The following DLGAP1 variants were observed in gnomAD, a reference collection of about 807,000 sequenced individuals.
DLGAP1 encodes the protein DLG associated protein 1, also known as disks large-associated protein 1.
A neutral mutation model predicts 90.8 loss-of-function variants in DLGAP1; 11 were observed. That is an observed-to-expected ratio of 0.12 (90% CI 0.08 to 0.20). DLGAP1 has a LOEUF of 0.20. DLGAP1 is among the 10% of genes least tolerant of loss of function. The probability of loss-of-function intolerance (pLI) is 1.00; values close to 1 mark genes in which losing one functional copy is unlikely to be tolerated. For missense variants in DLGAP1, 1,050 were observed against 1,333.8 expected, an observed-to-expected ratio of 0.79 and a Z score of 3.31; for synonymous variants, 558 against 540.7, an observed-to-expected ratio of 1.03 and a Z score of -0.44.
intron 3 of DLGAP1, among the ~76,000 whole-genome samples, chr18:3,884,687 A>G (rs116078423): frequency 6.4e-4 from 97 of 152,330 alleles, no homozygotes; most frequent in African/African-American, 2.2e-3. Flanking sequence ...TTAATCATAC[A>G]CAGTGTGTTT....
chr18:4,089,645 C>G (rs533368070), intron 2 of DLGAP1, among the ~76,000 whole-genome samples: 30 of 152,254 alleles, frequency 2.0e-4, no homozygotes, highest in African/African-American at 6.7e-4. Context: ...CATTTACAAA[C>G]GTCTGATCTT....
At chr18:4,410,911 G>A (rs929079477) in intron 1 of DLGAP1, among the ~76,000 whole-genome samples, 8 of 152,168 alleles carry the variant, frequency 5.3e-5, no homozygotes, top group African/African-American at 1.9e-4. Context: ...CCCAGCTCCA[G>A]GAGTTTTGCC....
chr18:3,853,924 GCTTT>G (rs2069481659), intron 4 of DLGAP1, among the ~76,000 whole-genome samples: 1 of 151,944 alleles, frequency 6.6e-6, no homozygotes, highest in Admixed American at 6.6e-5. Context: ...TTTATATTGT[GCTTT>G]CTTTTTTTCC....
At chr18:3,739,200 T>C (rs1309878280) in intron 6 of DLGAP1, among the ~76,000 whole-genome samples, 4 of 147,382 alleles carry the variant, frequency 2.7e-5, no homozygotes, top group South Asian at 2.2e-4. Flanking sequence ...AGTTCAACCA[T>C]TGTGGAAGTC....
chr18:4,287,666 C>G (rs889161663), intron 1 of DLGAP1, among the ~76,000 whole-genome samples: 2 of 151,948 alleles, frequency 1.3e-5, no homozygotes, highest in African/African-American at 4.8e-5. Context: ...GGGAAGATCA[C>G]ATACCAGGGC....
chr18:3,734,106 A>C (rs965291293), intron 6 of DLGAP1, among the ~76,000 whole-genome samples: 1 of 152,208 alleles, frequency 6.6e-6, no homozygotes. Context: ...AGAGTTTAAA[A>C]AAATCATTGT....
intron 3 of DLGAP1, chr18:3,995,523 T>C (rs1471063240): frequency 6.6e-6 from 1 of 152,168 alleles, no homozygotes; most frequent in Non-Finnish European, 1.5e-5. Context: ...AAGCGTCTCT[T>C]CCAAGACCTT....
intron 1 of DLGAP1, among the ~76,000 whole-genome samples, chr18:4,188,039 T>C (rs1215738821): frequency 6.6e-6 from 1 of 151,982 alleles, no homozygotes; most frequent in Non-Finnish European, 1.5e-5. Flanking sequence ...AAATTGTCAA[T>C]TTAATTTTAT....
At chr18:4,160,027 T>A (rs1225945537) in intron 1 of DLGAP1, among the ~76,000 whole-genome samples, 1 of 152,252 alleles carries the variant, frequency 6.6e-6, no homozygotes, top group African/African-American at 2.4e-5. Flanking sequence ...AAGTGCGTAA[T>A]GACTCATTGT....
chr18:4,133,808 G>A (rs1052302238), intron 2 of DLGAP1, among the ~76,000 whole-genome samples: 51 of 152,222 alleles, frequency 3.4e-4, no homozygotes, highest in African/African-American at 1.2e-3. Flanking sequence ...AGTGAAGTTC[G>A]TGGGTGAGGC....
intron 5 of DLGAP1, among the ~76,000 whole-genome samples, chr18:3,779,480 T>C (rs572683997): frequency 6.6e-6 from 1 of 152,330 alleles, no homozygotes; most frequent in Non-Finnish European, 1.5e-5. Flanking sequence ...TCTCGGATCA[T>C]GCCTGAACAC....
chr18:3,611,265 C>G (rs1247732384), intron 7 of DLGAP1, among the ~76,000 whole-genome samples: 2 of 152,132 alleles, frequency 1.3e-5, no homozygotes, highest in African/African-American at 4.8e-5. Context: ...CTTACAGCAG[C>G]CTCACACCCT....
chr18:3,608,534 A>G (rs1261533648), intron 7 of DLGAP1, among the ~76,000 whole-genome samples: 1 of 152,196 alleles, frequency 6.6e-6, no homozygotes, highest in Non-Finnish European at 1.5e-5. Context: ...GCACTTATGC[A>G]GTGACTTTGT....
intron 1 of DLGAP1, among the ~76,000 whole-genome samples, chr18:4,372,350 G>C (rs1461809621): frequency 6.6e-6 from 1 of 152,242 alleles, no homozygotes; most frequent in African/African-American, 2.4e-5. Context: ...ATGGAAGGCA[G>C]TGGCAGTGGA....
chr18:4,381,300 C>T (rs2082111822), intron 1 of DLGAP1, among the ~76,000 whole-genome samples: 1 of 152,066 alleles, frequency 6.6e-6, no homozygotes, highest in South Asian at 2.1e-4. Context: ...AATGAACAAT[C>T]TGATAACTAT....
At chr18:4,422,864 T>C (rs536475705) in intron 1 of DLGAP1, among the ~76,000 whole-genome samples, 1 of 152,196 alleles carries the variant, frequency 6.6e-6, no homozygotes, top group East Asian at 1.9e-4. Context: ...AAGCCAATTA[T>C]GCATGCCTGG....
intron 1 of DLGAP1, among the ~76,000 whole-genome samples, chr18:4,182,456 C>T (rs746543030): frequency 6.6e-6 from 1 of 152,108 alleles, no homozygotes; most frequent in African/African-American, 2.4e-5. Context: ...TTCCTTCCCC[C>T]ACCTTGTGGC....
At chr18:4,202,283 TA>T (rs2077622744) in intron 1 of DLGAP1, among the ~76,000 whole-genome samples, 2 of 152,162 alleles carry the variant, frequency 1.3e-5, no homozygotes, top group African/African-American at 2.4e-5. Context: ...TGTTCTCACT[TA>T]TAGGTGTGAG....
intron 7 of DLGAP1, among the ~76,000 whole-genome samples, chr18:3,592,073 T>A (rs538629695): frequency 6.6e-6 from 1 of 152,188 alleles, no homozygotes; most frequent in South Asian, 2.1e-4. Context: ...GAGTGAAATT[T>A]AGACAAGAAT....
Sources: gnomAD v4.1 joint callset for allele counts (sites outside exome capture counted in the v4.1 genomes callset) on GRCh38, gnomAD v4.1.1 for gene constraint, MANE v1.5 for transcripts, NCBI Gene and HGNC (gene_info 2026-07-23, HGNC 2026-07-21) for gene names.